Variants in BUB1B observed in about 807,000 individuals in gnomAD.
BUB1B encodes mitotic checkpoint serine/threonine-protein kinase BUB1 beta.
In BUB1B, 86 loss-of-function variants were observed where a neutral mutation model predicts 137.7. The observed-to-expected ratio is 0.62, with a 90% CI of 0.52 to 0.75. BUB1B has a LOEUF of 0.75. Among genes scored for constraint, BUB1B ranks in the 30% least tolerant of loss-of-function variants. The probability of loss-of-function intolerance (pLI) is 0.00; values close to 1 mark genes in which losing one functional copy is unlikely to be tolerated. For missense variants in BUB1B, 1,130 were observed against 1,236.9 expected, an observed-to-expected ratio of 0.91 and a Z score of 1.30; for synonymous variants, 420 against 417.9, an observed-to-expected ratio of 1.00 and a Z score of -0.06.
At chr15:40,208,865 C>A in intron 16 of BUB1B, 95 bp downstream of exon 16, 1 of 1,277,610 alleles carries the variant, frequency 7.8e-7, no homozygotes. Flanking sequence ...GACAGGGTCT[C>A]ACTCTGTCAC....
At chr15:40,204,356 A>G (rs145644041) in intron 14 of BUB1B, among the ~76,000 whole-genome samples, 4 of 152,256 alleles carry the variant, frequency 2.6e-5, no homozygotes, top group African/African-American at 9.6e-5. Flanking sequence ...GAACATGATG[A>G]ACAGGCTAGA....
rs1271327174 is a variant in BUB1B, at chr15:40,200,125, C to T, written c.1402-119C>T. On this transcript the variant is annotated intron_variant, in intron 10 of 22. Transcript: ENST00000287598. Reference sequence around the variant, plus strand: ...TATTGGAAATGACTTTTGTGGTACACTCATTTTGTACTGTTAGTGGATGTC... The same window carrying T: ...TATTGGAAATGACTTTTGTGGTACATTCATTTTGTACTGTTAGTGGATGTC... The T allele has an allele frequency of 1.9e-5, 14 of 755,552 alleles. 1 individual carries two copies. The highest frequency in any genetic ancestry group is 8.9e-5 in the South Asian group (6 of 67,528). 46.8% of individuals were successfully genotyped at this position (755,552 alleles called of 1,614,324 possible). A position where few individuals can be genotyped will look rare whatever the true frequency, so the allele number is the denominator to read the frequency against.
chr15:40,208,899 A>G (rs1042735884), intron 16 of BUB1B, 129 bp downstream of exon 16: 7 of 953,486 alleles, frequency 7.3e-6, no homozygotes, highest in Middle Eastern at 3.1e-4. Context: ...CAGTGGCACA[A>G]TCAAACTCAC....
At chr15:40,195,021 G>T (rs1355956063) in intron 8 of BUB1B, among the ~76,000 whole-genome samples, 1 of 152,042 alleles carries the variant, frequency 6.6e-6, no homozygotes, top group East Asian at 1.9e-4. Context: ...TGGGGAACAG[G>T]TGGTGTTTGG....
At chr15:40,168,321 T>G (rs1291910427) in intron 2 of BUB1B, among the ~76,000 whole-genome samples, 1 of 151,988 alleles carries the variant, frequency 6.6e-6, no homozygotes, top group African/African-American at 2.4e-5. Flanking sequence ...GAGCCGAGAT[T>G]GTGCCATTGC....
chr15:40,207,059 C>T (rs2037647263), intron 15 of BUB1B, among the ~76,000 whole-genome samples: 1 of 152,206 alleles, frequency 6.6e-6, no homozygotes, highest in Non-Finnish European at 1.5e-5. Flanking sequence ...ATCCACCCGC[C>T]TCGGCCTCTC....
chr15:40,209,628 C>G lies in BUB1B; in HGVS notation c.2144-7C>G, dbSNP rs1409374402. On this transcript the variant is annotated splice_polypyrimidine_tract_variant and splice_region_variant and intron_variant, in intron 16 of 22. Transcript: ENST00000287598. ...GATATATTTTCACCTTTCCCTCCCA[C>G]TGGCAGAAAACCCTACTCAGTCACC... is the stretch of plus-strand genomic sequence containing the variant. The G allele has an allele frequency of 6.2e-7, 1 of 1,613,926 alleles. No homozygotes were observed. The highest frequency in any genetic ancestry group is 1.3e-5 in the African/African-American group (1 of 74,878).
intron 15 of BUB1B, 58 bp downstream of exon 15, chr15:40,206,516 T>C: frequency 1.9e-6 from 3 of 1,602,946 alleles, no homozygotes; most frequent in Non-Finnish European, 1.7e-6. Context: ...ATTCTGCATG[T>C]GCTTGTCAGT....
intron 20 of BUB1B, 23 bp downstream of exon 20, chr15:40,213,497 A>T (rs768582262): frequency 1.2e-6 from 2 of 1,613,322 alleles, no homozygotes; most frequent in Non-Finnish European, 1.7e-6. Context: ...CATTCTTATA[A>T]TTCTGCCAGC....
chr15:40,196,925 A>G, intron 9 of BUB1B, 151 bp downstream of exon 9: 6 of 725,408 alleles, frequency 8.3e-6, no homozygotes, highest in Non-Finnish European at 1.1e-5. Flanking sequence ...ATCAGCCAAA[A>G]TCCCACTGCT....
chr15:40,177,777 C>T (rs1194110911), intron 5 of BUB1B, among the ~76,000 whole-genome samples: 1 of 149,606 alleles, frequency 6.7e-6, no homozygotes. Flanking sequence ...TGGTATAATT[C>T]TCCATTTATT....
intron 13 of BUB1B, 29 bp from the exon 14 acceptor site, chr15:40,202,560 A>G: frequency 6.2e-7 from 1 of 1,607,708 alleles, no homozygotes; most frequent in Non-Finnish European, 8.5e-7. Context: ...TATGAAAAAA[A>G]TTGCTAAGTG....
At chr15:40,178,285 A>G (rs1159408050) in intron 5 of BUB1B, among the ~76,000 whole-genome samples, 1 of 152,002 alleles carries the variant, frequency 6.6e-6, no homozygotes, top group Admixed American at 6.6e-5. Flanking sequence ...ATTTAGTTCA[A>G]AATATTTTCT....
Position 40,220,907 on chromosome 15 carries a change from G to C in BUB1B, c.*148G>C, listed in dbSNP as rs117341083. ...CTTTTTGGTACAGGTATATTTTGAC[G>C]TCACTGATATTTTTTATACAGTGAT... is the stretch of plus-strand genomic sequence containing the variant. On this transcript the variant is annotated 3_prime_UTR_variant, in exon 23 of 23. Transcript: ENST00000287598. 6 of 847,448 alleles carry C rather than the reference G, an allele frequency of 7.1e-6. No individual in the cohort carries two copies. Among genetic ancestry groups the C allele is most frequent in the Non-Finnish European group, 9.7e-6 (5 of 517,674 alleles). The allele number at this position is 847,448 out of a possible 1,614,324, so 52.5% of individuals were successfully genotyped here.
At chr15:40,177,119 G>C (rs529624087) in intron 5 of BUB1B, among the ~76,000 whole-genome samples, 2 of 152,178 alleles carry the variant, frequency 1.3e-5, no homozygotes, top group Non-Finnish European at 2.9e-5. Flanking sequence ...TTTATAGATT[G>C]TAAGTATAAG....
chr15:40,176,361 A>C, intron 4 of BUB1B, 116 bp from the exon 5 acceptor site: 2 of 974,284 alleles, frequency 2.1e-6, no homozygotes, highest in Middle Eastern at 2.8e-4. Context: ...CATTGTAATA[A>C]TAGATTTTTT....
rs572397656 is a variant in BUB1B, at chr15:40,173,145, C to T, written c.384+2464C>T. On this transcript the variant is annotated intron_variant, in intron 4 of 22. Coordinates refer to ENST00000287598, the MANE Select transcript of BUB1B (RefSeq NM_001211.6). ...ACAAAAAATGCAAAAATTAGCCGCA[C>T]GTGGTGGTGCGCACATGTAATCCCA... Among the ~76,000 whole-genome samples, 14 of 151,906 alleles carry T rather than the reference C, an allele frequency of 9.2e-5. No homozygotes were observed. In the South Asian group the frequency reaches 1.2e-3, roughly 14 times the overall value.
intron 1 of BUB1B, among the ~76,000 whole-genome samples, chr15:40,164,668 T>C (rs1226795777): frequency 2.7e-5 from 4 of 150,842 alleles, no homozygotes; most frequent in Non-Finnish European, 3.0e-5. Context: ...TTTTCTTTTT[T>C]TTTTTTTTTT....
At chr15:40,183,654 A>G (rs2037322915) in intron 5 of BUB1B, 60 bp from the exon 6 acceptor site, 1 of 1,546,818 alleles carries the variant, frequency 6.5e-7, no homozygotes, top group African/African-American at 1.4e-5. Context: ...CAAATTGGAA[A>G]TTTTGAGTCT....
Sources: gnomAD v4.1 joint callset for allele counts (sites outside exome capture counted in the v4.1 genomes callset) on GRCh38, gnomAD v4.1.1 for gene constraint, MANE v1.5 for transcripts, NCBI Gene and HGNC (gene_info 2026-07-23, HGNC 2026-07-21) for gene names.